Variants in OLFM2 observed in about 807,000 individuals in gnomAD.
The protein encoded by OLFM2 is olfactomedin 2.
In OLFM2, 20 loss-of-function variants were observed where a neutral mutation model predicts 43.9. That is an observed-to-expected ratio of 0.46 (90% CI 0.32 to 0.66). The LOEUF is 0.66. Ranked by LOEUF, OLFM2 falls within the 30% of genes least tolerant of loss-of-function variation. OLFM2 has a pLI of 0.04. For synonymous variants in OLFM2, 268 were observed against 278.6 expected, an observed-to-expected ratio of 0.96 and a Z score of 0.38; for missense variants, 416 against 643.6, an observed-to-expected ratio of 0.65 and a Z score of 3.83.
At chr19:9,865,485 C>CTTTTTTTTTTT (rs71188847) in intron 1 of OLFM2, among the ~76,000 whole-genome samples, 170 of 73,592 alleles carry the variant, frequency 2.3e-3, no homozygotes, top group Non-Finnish European at 2.7e-3. Flanking sequence ...TCTGTTTTTT[C>CTTTTTTTTTTT]TTTTTTTTTT....
Position 9,857,685 on chromosome 19 carries a change from G to T in OLFM2, c.360+30C>A. ...GATACCAAATCCCAGTCATTTGTTT[G>T]ACCTCTGGTCTGGACACAGGAGGAC... On this transcript the variant is annotated intron_variant, in intron 3 of 5. Transcript: ENST00000264833. This position sits in a 1 kb window ranked among gnomAD's most constrained non-coding sequence, Gnocchi z 5.7. The T allele has an allele frequency of 2.5e-6, 4 of 1,614,004 alleles. No individual in the cohort carries two copies. Among genetic ancestry groups the T allele is most frequent in the Non-Finnish European group, 2.5e-6 (3 of 1,179,976 alleles).
intron 1 of OLFM2, among the ~76,000 whole-genome samples, chr19:9,911,381 A>T (rs192966086): frequency 1.3e-5 from 2 of 152,174 alleles, no homozygotes; most frequent in East Asian, 3.9e-4. Flanking sequence ...GGTGTCAGGG[A>T]TGGGAGGGCC....
intron 1 of OLFM2, among the ~76,000 whole-genome samples, chr19:9,907,455 A>G (rs2046794709): frequency 1.3e-5 from 2 of 151,626 alleles, no homozygotes; most frequent in African/African-American, 2.4e-5. Flanking sequence ...GCGAGATTCT[A>G]TCTCAAAATA....
At chr19:9,888,929 G>C (rs2046613636) in intron 1 of OLFM2, among the ~76,000 whole-genome samples, 1 of 152,136 alleles carries the variant, frequency 6.6e-6, no homozygotes, top group Admixed American at 6.5e-5. Context: ...AGCCGGGCAT[G>C]GTGGCGGGTG....
chr19:9,904,985 C>T (rs370902293), intron 1 of OLFM2, among the ~76,000 whole-genome samples: 284 of 151,794 alleles, frequency 1.9e-3, no homozygotes, highest in African/African-American at 6.6e-3. Flanking sequence ...TGCCATTGCA[C>T]TACAGTCTGG....
At chr19:9,935,398 C>T (rs1388823901) in intron 1 of OLFM2, among the ~76,000 whole-genome samples, 1 of 152,094 alleles carries the variant, frequency 6.6e-6, no homozygotes, top group African/African-American at 2.4e-5. Context: ...TTGCAAGCCT[C>T]CCTGAGCCTG....
chr19:9,905,474 A>G (rs564427853), intron 1 of OLFM2, among the ~76,000 whole-genome samples: 1 of 151,740 alleles, frequency 6.6e-6, no homozygotes, highest in South Asian at 2.1e-4. Flanking sequence ...AATAAAATAA[A>G]ATAAAATACA....
chr19:9,931,862 C>T (rs1040881199), intron 1 of OLFM2, among the ~76,000 whole-genome samples: 1 of 152,150 alleles, frequency 6.6e-6, no homozygotes, highest in African/African-American at 2.4e-5. Context: ...AGCCATCACA[C>T]CTGGCCTGAA....
intron 1 of OLFM2, among the ~76,000 whole-genome samples, chr19:9,925,511 CA>C (rs1301608224): frequency 1.3e-5 from 2 of 152,016 alleles, no homozygotes; most frequent in East Asian, 3.9e-4. Flanking sequence ...GGCAATGGTA[CA>C]ATCATGGCGC....
chr19:9,875,691 G>GT (rs143110604), intron 1 of OLFM2, among the ~76,000 whole-genome samples: 6 of 151,272 alleles, frequency 4.0e-5, no homozygotes, highest in East Asian at 3.9e-4. Context: ...TTTTTTGTTT[G>GT]TTTTTTCTCA....
chr19:9,901,082 AGAGT>A (rs1161798940), intron 1 of OLFM2, among the ~76,000 whole-genome samples: 21 of 115,892 alleles, frequency 1.8e-4, no homozygotes, highest in Non-Finnish European at 3.5e-4. Context: ...GGAAAGAAAG[AGAGT>A]GAGGAAGGAA....
intron 1 of OLFM2, among the ~76,000 whole-genome samples, chr19:9,869,680 A>G (rs2046428500): frequency 6.6e-6 from 1 of 152,194 alleles, no homozygotes; most frequent in Non-Finnish European, 1.5e-5. Context: ...GCAGTGGCAC[A>G]ATCATGGCTC....
chr19:9,935,033 G>A (rs1370673678), intron 1 of OLFM2, among the ~76,000 whole-genome samples: 1 of 152,148 alleles, frequency 6.6e-6, no homozygotes, highest in Non-Finnish European at 1.5e-5. Flanking sequence ...GTGGGCTCAG[G>A]AGCCGGACTG....
chr19:9,904,155 TGTG>T (rs1568381726), intron 1 of OLFM2, among the ~76,000 whole-genome samples: 13 of 32,018 alleles, frequency 4.1e-4, no homozygotes, highest in Non-Finnish European at 6.3e-4. Context: ...GTATTGTTTG[TGTG>T]TGTGTGTGTG....
intron 1 of OLFM2, among the ~76,000 whole-genome samples, chr19:9,908,956 T>C (rs2046806273): frequency 6.6e-6 from 1 of 152,014 alleles, no homozygotes; most frequent in South Asian, 2.1e-4. Context: ...TCTTCCCACC[T>C]TGACCCCTCA....
rs754436534 is a variant in OLFM2 at position 9,854,526 on chromosome 19, G to C, written c.1025C>G (p.Ala342Gly). The change falls in exon 6 of 6, where the codon GCG (alanine) becomes GGG (glycine). Residue 342 changes from alanine to glycine, a missense_variant. By Grantham distance (60) the Ala-to-Gly change is moderately conservative. Coordinates refer to ENST00000264833, the MANE Select transcript of OLFM2 (RefSeq NM_058164.4). The surrounding 1 kb of genome is among the most constrained non-coding windows in gnomAD (Gnocchi z 9.5). ...CAGCCGGCTGACCACGATGTTGCCC[G>C]CGTTCTGGTTGGTGGTGTACACAGC... ...LWAVYTTNQN[A>G]GNIVVSRLDP... The C allele has an allele frequency of 1.9e-6, 3 of 1,613,662 alleles. No homozygotes were observed. The Admixed American group carries it at 5.0e-5, about 27-fold the overall frequency.
rs2046292202 is a variant in OLFM2 at position 9,854,028 on chromosome 19, A to G, written c.*158T>C. ...AGAAGAGGGGAAATTGAAAAAATAG[A>G]CAGAAATACATAGGCAGAGAACAAA... is the stretch of plus-strand genomic sequence containing the variant. On this transcript the variant is annotated 3_prime_UTR_variant, in exon 6 of 6. Transcript: ENST00000264833. This position sits in a 1 kb window ranked among gnomAD's most constrained non-coding sequence, Gnocchi z 9.5. 1 of 634,982 alleles carries G rather than the reference A, an allele frequency of 1.6e-6. No homozygotes were observed. Among genetic ancestry groups the G allele is most frequent in the Non-Finnish European group, 2.7e-6 (1 of 366,336 alleles). 39.3% of individuals were successfully genotyped at this position (634,982 alleles called of 1,614,324 possible). A position where few individuals can be genotyped will look rare whatever the true frequency, so the allele number is the denominator to read the frequency against.
chr19:9,888,621 G>A (rs138355191), intron 1 of OLFM2, among the ~76,000 whole-genome samples: 314 of 151,570 alleles, frequency 2.1e-3, no homozygotes, highest in African/African-American at 7.1e-3. Context: ...ATCTGCTTCC[G>A]CCACATCATT....
chr19:9,935,037 C>A (rs766435019), intron 1 of OLFM2, among the ~76,000 whole-genome samples: 2 of 152,252 alleles, frequency 1.3e-5, no homozygotes, highest in Middle Eastern at 6.8e-3. Context: ...GCTCAGGAGC[C>A]GGACTGCCTC....
Sources: gnomAD v4.1 joint callset for allele counts (sites outside exome capture counted in the v4.1 genomes callset) on GRCh38, gnomAD v4.1.1 for gene constraint, Gnocchi (gnomAD v3.1) non-coding constraint, MANE v1.5 for transcripts, NCBI Gene and HGNC (gene_info 2026-07-23, HGNC 2026-07-21) for gene names.